The following PID1 variants were observed in gnomAD, a reference collection of about 807,000 sequenced individuals.
PID1 encodes PTB-containing, cubilin and LRP1-interacting protein.
A neutral mutation model predicts 19.1 loss-of-function variants in PID1; 10 were observed. The observed-to-expected ratio is 0.52, with a 90% confidence interval of 0.32 to 0.89. The LOEUF (loss-of-function observed/expected upper bound fraction) is 0.89, where lower values mean the gene tolerates loss of function less well. Ranked by LOEUF, PID1 falls within the 40% of genes least tolerant of loss-of-function variation. The pLI is 0.03. For missense variants in PID1, 248 were observed against 285.3 expected, an observed-to-expected ratio of 0.87 and a Z score of 0.94; for synonymous variants, 130 against 116.0, an observed-to-expected ratio of 1.12 and a Z score of -0.78.
intron 2 of PID1, among the ~76,000 whole-genome samples, chr2:229,040,258 A>T (rs1324628835): frequency 4.6e-5 from 7 of 152,074 alleles, no homozygotes; most frequent in Non-Finnish European, 8.8e-5. Flanking sequence ...ATCTCTACTA[A>T]AAATACAAAA....
intron 1 of PID1, among the ~76,000 whole-genome samples, chr2:229,216,434 G>C: frequency 6.6e-6 from 1 of 152,122 alleles, no homozygotes; most frequent in East Asian, 1.9e-4. Context: ...TGAGAAAGCT[G>C]CATAGATAAG....
intron 2 of PID1, among the ~76,000 whole-genome samples, chr2:229,062,260 C>A (rs1694227650): frequency 1.3e-5 from 2 of 151,760 alleles, no homozygotes; most frequent in African/African-American, 2.4e-5. Flanking sequence ...GAGGTACATT[C>A]CTTCTGTGGC....
intron 1 of PID1, among the ~76,000 whole-genome samples, chr2:229,190,932 G>A (rs1305823824): frequency 1.3e-5 from 2 of 152,096 alleles, no homozygotes; most frequent in African/African-American, 4.8e-5. Context: ...TTTCTTATGT[G>A]TAAACCACAG....
intron 2 of PID1, among the ~76,000 whole-genome samples, chr2:229,133,430 T>G (rs1009037704): frequency 6.6e-6 from 1 of 152,238 alleles, no homozygotes; most frequent in African/African-American, 2.4e-5. Context: ...TTTACCAATT[T>G]CTTCCACGGA....
intron 1 of PID1, among the ~76,000 whole-genome samples, chr2:229,229,072 T>C (rs553805424): frequency 3.4e-4 from 52 of 152,294 alleles, no homozygotes; most frequent in African/African-American, 1.2e-3. Context: ...CCAGTCCCAA[T>C]GTCATCTAGG....
chr2:229,225,306 G>T (rs976040288), intron 1 of PID1, among the ~76,000 whole-genome samples: 1 of 152,142 alleles, frequency 6.6e-6, no homozygotes, highest in African/African-American at 2.4e-5. Context: ...CCACAGAGAA[G>T]CACCGGATAA....
chr2:229,131,251 G>C (rs923233893), intron 2 of PID1, among the ~76,000 whole-genome samples: 2 of 142,314 alleles, frequency 1.4e-5, no homozygotes, highest in African/African-American at 5.3e-5. Flanking sequence ...TTTTTTTTGA[G>C]ACAGAGTCTC....
At chr2:229,192,866 A>C (rs984051351) in intron 1 of PID1, among the ~76,000 whole-genome samples, 2 of 152,178 alleles carry the variant, frequency 1.3e-5, no homozygotes, top group Non-Finnish European at 2.9e-5. Context: ...GAGAGAAACA[A>C]GGTAATTTGC....
chr2:229,098,144 C>T (rs1206754409), intron 2 of PID1, among the ~76,000 whole-genome samples: 2 of 152,190 alleles, frequency 1.3e-5, no homozygotes, highest in Non-Finnish European at 2.9e-5. Flanking sequence ...TAGAGGACAA[C>T]AGCTAACAGG....
rs1428073131 is a variant in PID1 at position 229,271,225 on chromosome 2, C to T, written c.-182G>A. 5.5e-6 allele frequency: 3 copies of T among 545,376 alleles called. No individual in the cohort carries two copies. The highest frequency in any genetic ancestry group is 6.2e-6 in the Non-Finnish European group (2 of 322,998). The allele number at this position is 545,376 out of a possible 1,614,324, so 33.8% of individuals were successfully genotyped here. A position where few individuals can be genotyped will look rare whatever the true frequency, so the allele number is the denominator to read the frequency against. ...GAGCAGGAGGAGGCGCGGCGCTCAG[C>T]TGCCGGCAACTTGTGGGCACGGCCG... On this transcript the variant is annotated 5_prime_UTR_variant, in exon 1 of 3. Transcript: ENST00000392055.
chr2:229,046,792 G>A (rs752492554), intron 2 of PID1, among the ~76,000 whole-genome samples: 1 of 152,068 alleles, frequency 6.6e-6, no homozygotes, highest in Non-Finnish European at 1.5e-5. Flanking sequence ...ACAATTTGAC[G>A]ATACCATCTT....
chr2:229,178,209 G>A (rs760725989), intron 1 of PID1, among the ~76,000 whole-genome samples: 6 of 152,156 alleles, frequency 3.9e-5, no homozygotes, highest in African/African-American at 9.7e-5. Context: ...TACTTGAGGC[G>A]AACATGAATT....
rs779225691 is a variant in PID1 at position 229,159,125 on chromosome 2, A to C, written c.31-3161T>G. 9.3e-4 allele frequency among the ~76,000 whole-genome samples: 142 copies of C among 152,214 alleles called. 2 individuals are homozygous for C. The highest frequency in any genetic ancestry group is 6.5e-4 in the Admixed American group (10 of 15,280). ...TCTGTAACAAAGGATAAATGCTTGA[A>C]GGGATGGATACCCCATTCTCCATGA... On this transcript the variant is annotated intron_variant, in intron 1 of 2. Coordinates refer to ENST00000392055, the MANE Select transcript of PID1 (RefSeq NM_001100818.2).
intron 1 of PID1, among the ~76,000 whole-genome samples, chr2:229,263,860 T>A (rs35320682): frequency 0.22 from 33,522 of 152,080 alleles, 4,343 homozygotes; most frequent in Non-Finnish European, 0.29. Flanking sequence ...CAAAGGCTGT[T>A]GGGAGGACAG....
At chr2:229,131,267 G>A (rs990841115) in intron 2 of PID1, among the ~76,000 whole-genome samples, 2 of 147,194 alleles carry the variant, frequency 1.4e-5, no homozygotes. Flanking sequence ...GTCTCACTCT[G>A]TCTCCCAGGC....
intron 2 of PID1, among the ~76,000 whole-genome samples, chr2:229,090,524 C>A (rs950783184): frequency 6.6e-6 from 1 of 152,176 alleles, no homozygotes; most frequent in Non-Finnish European, 1.5e-5. Flanking sequence ...TAGCTTCCAA[C>A]TTCCCGATGC....
At chr2:229,091,973 T>C (rs1239939030) in intron 2 of PID1, among the ~76,000 whole-genome samples, 4 of 152,190 alleles carry the variant, frequency 2.6e-5, no homozygotes, top group African/African-American at 9.7e-5. Context: ...GGATGCATAA[T>C]GTGCCATCAC....
chr2:229,059,298 T>A (rs1694164254), intron 2 of PID1, among the ~76,000 whole-genome samples: 1 of 152,214 alleles, frequency 6.6e-6, no homozygotes, highest in African/African-American at 2.4e-5. Context: ...ACACAGTGAC[T>A]TGAATTCATG....
intron 1 of PID1, among the ~76,000 whole-genome samples, chr2:229,238,976 T>G (rs1409719408): frequency 6.6e-6 from 1 of 152,118 alleles, no homozygotes; most frequent in East Asian, 1.9e-4. Flanking sequence ...ATACATCACT[T>G]AATTTGAAAA....
Sources: allele counts gnomAD v4.1 joint callset (sites outside exome capture counted in the v4.1 genomes callset), GRCh38; gene constraint gnomAD v4.1.1; transcripts MANE v1.5; gene names NCBI Gene and HGNC (gene_info 2026-07-23, HGNC 2026-07-21).